The following BICC1 variants were observed in gnomAD, a reference collection of about 807,000 sequenced individuals.
BICC1 encodes BicC family RNA binding protein 1.
BICC1 carries 43 observed loss-of-function variants against 111.0 expected under a neutral mutation model. The observed-to-expected ratio is 0.39, with a 90% CI of 0.30 to 0.50. The LOEUF is 0.50. Among genes scored for constraint, BICC1 ranks in the 20% least tolerant of loss-of-function variants. BICC1 has a pLI of 0.88. For missense variants in BICC1, 1,091 were observed against 1,203.2 expected, an observed-to-expected ratio of 0.91 and a Z score of 1.38; for synonymous variants, 467 against 434.4, an observed-to-expected ratio of 1.07 and a Z score of -0.93.
chr10:58,796,215 C>A, intron 9 of BICC1, 125 bp from the exon 10 acceptor site: 2 of 763,332 alleles, frequency 2.6e-6, no homozygotes, highest in South Asian at 1.9e-5. Flanking sequence ...GATTTAAAAG[C>A]AGCATTGATA....
chr10:58,542,169 A>AAC (rs201078271), intron 1 of BICC1, among the ~76,000 whole-genome samples: 2,091 of 121,446 alleles, frequency 0.017, 60 homozygotes, highest in African/African-American at 0.071. Context: ...AAAAAAAACA[A>AAC]AAAAAAAAAC....
At chr10:58,764,119 T>C (rs1441452710) in intron 3 of BICC1, among the ~76,000 whole-genome samples, 1 of 152,192 alleles carries the variant, frequency 6.6e-6, no homozygotes, top group African/African-American at 2.4e-5. Context: ...AACCATTTAA[T>C]GAGTGAGGAA....
chr10:58,621,400 G>A (rs1310006012), intron 2 of BICC1, among the ~76,000 whole-genome samples: 1 of 152,178 alleles, frequency 6.6e-6, no homozygotes, highest in Non-Finnish European at 1.5e-5. Context: ...TTTAGGTACT[G>A]TACCCCCTGA....
intron 3 of BICC1, among the ~76,000 whole-genome samples, chr10:58,775,887 T>G (rs1365434475): frequency 6.6e-6 from 1 of 152,174 alleles, no homozygotes; most frequent in Non-Finnish European, 1.5e-5. Flanking sequence ...ACGAACAAGC[T>G]TGAAACACAG....
intron 1 of BICC1, among the ~76,000 whole-genome samples, chr10:58,524,675 C>G (rs1428307688): frequency 6.6e-6 from 1 of 151,632 alleles, no homozygotes. Flanking sequence ...TCTAAAACAC[C>G]AAAAGCAATG....
chr10:58,622,796 G>T (rs1845862076), intron 2 of BICC1, among the ~76,000 whole-genome samples: 1 of 152,198 alleles, frequency 6.6e-6, no homozygotes, highest in Non-Finnish European at 1.5e-5. Context: ...ATACTGAATT[G>T]TCCTCCAGGA....
chr10:58,791,617 G>A (rs1843179908), intron 8 of BICC1, among the ~76,000 whole-genome samples: 1 of 151,946 alleles, frequency 6.6e-6, no homozygotes, highest in Non-Finnish European at 1.5e-5. Context: ...GTGAAGGTCT[G>A]TAATCCCAGC....
At chr10:58,633,222 C>T (rs939539404) in intron 2 of BICC1, among the ~76,000 whole-genome samples, 2 of 152,200 alleles carry the variant, frequency 1.3e-5, no homozygotes, top group South Asian at 2.1e-4. Flanking sequence ...CCTTCCACCA[C>T]GATTGTGAGG....
At position 58,807,175 on chromosome 10, in the gene BICC1, C is replaced by G; in HGVS notation, c.2376+17C>G. On this transcript the variant is annotated intron_variant, in intron 17 of 20. Coordinates refer to ENST00000373886, the MANE Select transcript of BICC1 (RefSeq NM_001080512.3). ...ACTTATGAGGTTTGTAGAGTCATGTCCTACTCATTCTTCCTGTCTGTTCTT... is the reference window on the plus strand; with the variant it reads ...ACTTATGAGGTTTGTAGAGTCATGTGCTACTCATTCTTCCTGTCTGTTCTT... 6.2e-7 allele frequency: 1 copy of G among 1,600,780 alleles called. No homozygotes were observed. Among genetic ancestry groups the G allele is most frequent in the South Asian group, 1.1e-5 (1 of 88,984 alleles).
chr10:58,562,964 T>C lies in BICC1; in HGVS notation c.190+49631T>C, dbSNP rs377470130. On this transcript the variant is annotated intron_variant, in intron 1 of 20. Coordinates refer to ENST00000373886, the MANE Select transcript of BICC1 (RefSeq NM_001080512.3). ...TGGGGCCTGCCAGGCAGGCTGACTCTCAGGTCCTTGGGAGCGTATAGGGGC... is the reference window on the plus strand; with the variant it reads ...TGGGGCCTGCCAGGCAGGCTGACTCCCAGGTCCTTGGGAGCGTATAGGGGC... Among the ~76,000 whole-genome samples, 5 of 152,256 alleles carry C rather than the reference T, an allele frequency of 3.3e-5. No individual in the cohort carries two copies. The South Asian group carries it at 1.0e-3, about 32-fold the overall frequency.
In BICC1 at chr10:58,793,482, A is replaced by G; in HGVS notation, c.1048-2A>G. On this transcript the variant is annotated splice_acceptor_variant, in intron 8 of 20. Transcript: ENST00000373886. LOFTEE classifies it high-confidence loss of function. ...TACACATTCTATTGTGACATTTTCTAGGGTTGTCTTCCTCTTGTGTTGATG... is the reference window on the plus strand; with the variant it reads ...TACACATTCTATTGTGACATTTTCTGGGGTTGTCTTCCTCTTGTGTTGATG... 6.2e-7 allele frequency: 1 copy of G among 1,609,008 alleles called. No individual in the cohort carries two copies. Among genetic ancestry groups the G allele is most frequent in the South Asian group, 1.1e-5 (1 of 90,154 alleles).
Position 58,817,659 on chromosome 10 carries a change from C to A in BICC1, c.2631C>A (p.Asp877Glu). ...CNLNSSFKGSDLPELFSKLGL... is the reference protein window; with the variant it reads ...CNLNSSFKGSELPELFSKLGL... ...TAAATAGCTCTTTCAAAGGTTCTGA[C>A]CTCCCTGAGCTCTTCAGCAAACTGG... Residue 877 changes from aspartate to glutamate, a missense_variant, in exon 19 of 21, where the codon GAC becomes GAA. Transcript: ENST00000373886. 6.2e-7 allele frequency: 1 copy of A among 1,613,484 alleles called. No homozygotes were observed. The highest frequency in any genetic ancestry group is 8.5e-7 in the Non-Finnish European group (1 of 1,179,634).
At chr10:58,753,129 A>G (rs965190592) in intron 3 of BICC1, among the ~76,000 whole-genome samples, 2 of 152,032 alleles carry the variant, frequency 1.3e-5, no homozygotes, top group Non-Finnish European at 2.9e-5. Context: ...AGTCAACTTA[A>G]TATTTTTCTA....
chr10:58,685,781 C>T (rs929811249), intron 2 of BICC1, among the ~76,000 whole-genome samples: 1 of 152,130 alleles, frequency 6.6e-6, no homozygotes, highest in African/African-American at 2.4e-5. Flanking sequence ...AGATGGGTCT[C>T]CTGAATACAG....
intron 3 of BICC1, among the ~76,000 whole-genome samples, chr10:58,763,735 T>C (rs1370383717): frequency 6.6e-6 from 1 of 151,894 alleles, no homozygotes; most frequent in African/African-American, 2.4e-5. Context: ...ATTTTGGACC[T>C]GGCACGTTGA....
chr10:58,817,480 A>G, intron 18 of BICC1, 82 bp from the exon 19 acceptor site: 1 of 1,461,352 alleles, frequency 6.8e-7, no homozygotes, highest in East Asian at 2.3e-5. Context: ...AAGTTGAAAT[A>G]TTTAGGTGAT....
rs141947795 is a variant in BICC1 at position 58,637,535 on chromosome 10, A to C, written c.237+16634A>C. Reference sequence around the variant, plus strand: ...GAATTTGCCGCTGGTTCTGATGTTCATTGTCTTCCCTCCTCACGCACGCTT... The same window carrying C: ...GAATTTGCCGCTGGTTCTGATGTTCCTTGTCTTCCCTCCTCACGCACGCTT... On this transcript the variant is annotated intron_variant, in intron 2 of 20. Transcript: ENST00000373886. 1.7e-4 allele frequency among the ~76,000 whole-genome samples: 26 copies of C among 152,276 alleles called. 1 individual carries two copies. In the South Asian group the frequency reaches 2.9e-3, roughly 17 times the overall value.
intron 1 of BICC1, among the ~76,000 whole-genome samples, chr10:58,558,818 A>G (rs1430267103): frequency 6.6e-6 from 1 of 152,064 alleles, no homozygotes; most frequent in African/African-American, 2.4e-5. Flanking sequence ...TTCCTCATAG[A>G]TGATGCCTTC....
chr10:58,726,442 GGT>G (rs908730244), intron 3 of BICC1, among the ~76,000 whole-genome samples: 3 of 152,136 alleles, frequency 2.0e-5, no homozygotes, highest in African/African-American at 7.2e-5. Flanking sequence ...TTAACTTGTA[GGT>G]TCTTTGGCTG....
Sources: gnomAD v4.1 joint callset for allele counts (sites outside exome capture counted in the v4.1 genomes callset) on GRCh38, gnomAD v4.1.1 for gene constraint, MANE v1.5 for transcripts, NCBI Gene and HGNC (gene_info 2026-07-23, HGNC 2026-07-21) for gene names.